SCNN1D: variants seen among roughly 807,000 people sequenced by gnomAD.
The protein encoded by SCNN1D is sodium channel epithelial 1 subunit delta.
A neutral mutation model predicts 87.8 loss-of-function variants in SCNN1D; 104 were observed. The ratio of observed to expected loss-of-function variants is 1.18; its 90% CI spans 1.01 to 1.39. The LOEUF is 1.39. Ranked by LOEUF, SCNN1D falls within the 40% of genes most tolerant of loss-of-function variation. The pLI is 0.00. For synonymous variants in SCNN1D, 628 were observed against 481.2 expected, an observed-to-expected ratio of 1.31 and a Z score of -3.99; for missense variants, 1,324 against 1,093.9, an observed-to-expected ratio of 1.21 and a Z score of -2.97.
At chr1:1,285,506 C>A in intron 5 of SCNN1D, 65 bp from the exon 6 acceptor site, 2 of 1,150,104 alleles carry the variant, frequency 1.7e-6, no homozygotes, top group South Asian at 1.7e-5. Flanking sequence ...AAGGGCAAGT[C>A]TTCCCCTGAG....
At chr1:1,287,895 G>A in intron 11 of SCNN1D, 44 bp from the exon 12 acceptor site, 11 of 1,520,330 alleles carry the variant, frequency 7.2e-6, no homozygotes, top group South Asian at 2.5e-5. Flanking sequence ...CTGGGCTTTG[G>A]GGGGTGAGGG....
chr1:1,291,070 G>C lies in SCNN1D; in HGVS notation c.1982G>C (p.Ser661Thr). The change falls in exon 17 of 18, where the codon AGC becomes ACC. Residue 661 changes from serine to threonine, a missense_variant. Transcript: ENST00000379116. ...ATGCCTCTATCCTGCCCCAGGAGCA[G>C]CCTGGCCAAAATCAACATCGTCTAC... ...LPHQSHRQRS[S>T]LAKINIVYQE... The C allele has an allele frequency of 1.2e-6, 2 of 1,612,022 alleles. No individual in the cohort carries two copies. The highest frequency in any genetic ancestry group is 1.7e-6 in the Non-Finnish European group (2 of 1,179,666).
Position 1,291,865 on chromosome 1 carries a change from G to A in SCNN1D, c.*255G>A. 2.4e-6 allele frequency: 1 copy of A among 416,948 alleles called. No individual in the cohort carries two copies. Among genetic ancestry groups the A allele is most frequent in the Middle Eastern group, 4.7e-4 (1 of 2,122 alleles). 25.8% of individuals were successfully genotyped at this position (416,948 alleles called of 1,614,324 possible). A position where few individuals can be genotyped will look rare whatever the true frequency, so the allele number is the denominator to read the frequency against. On this transcript the variant is annotated 3_prime_UTR_variant, in exon 18 of 18. Coordinates refer to ENST00000379116, the MANE Select transcript of SCNN1D (RefSeq NM_001130413.4). ...GTGCGGCTGGACGTGCCGACACGCG[G>A]TGATGTACCCATGCTCCGTGTGTCT...
rs765977813 is a variant in SCNN1D, at chr1:1,290,357, G to C, written c.1749G>C (p.Glu583Asp). ...YYLHPLPAGAEYCSSARHPAW... is the reference protein window; with the variant it reads ...YYLHPLPAGADYCSSARHPAW... ...TCCACCCTCTGCCGGCGGGGGCTGA[G>C]TACTGCAGCTCTGCCCGGCACCCTG... Residue 583 changes from glutamate to aspartate, a missense_variant, in exon 13 of 18, where the codon GAG (glutamate) becomes GAC (aspartate). By Grantham distance (45) the Glu-to-Asp change is conservative. Coordinates refer to ENST00000379116, the MANE Select transcript of SCNN1D (RefSeq NM_001130413.4). The C allele has an allele frequency of 6.3e-7, 1 of 1,599,260 alleles. No homozygotes were observed. The highest frequency in any genetic ancestry group is 8.5e-7 in the Non-Finnish European group (1 of 1,171,446).
Position 1,291,394 on chromosome 1 carries a change from GGCGTGGTTCTCCTGGCCCAGA to G in SCNN1D, c.2196_2216del (p.Trp733_Ala739del). ...TGCTAGGCGGCCGCCGGCTCCGCAG[GGCGTGGTTCTCCTGGCCCAGA>G]GCCAGCCCTGCCTCAGGGGCGTCCA... On this transcript the variant is annotated inframe_deletion, in exon 18 of 18. Transcript: ENST00000379116. 6.2e-7 allele frequency: 1 copy of G among 1,608,688 alleles called. No individual in the cohort carries two copies. Among genetic ancestry groups the G allele is most frequent in the East Asian group, 2.2e-5 (1 of 44,796 alleles).
intron 4 of SCNN1D, among the ~76,000 whole-genome samples, chr1:1,283,540 A>G (rs940761449): frequency 2.0e-5 from 3 of 152,234 alleles, no homozygotes; most frequent in Middle Eastern, 6.8e-3. Context: ...CTCTACTAAA[A>G]ATACAAAATT....
In SCNN1D at chr1:1,285,847, C is replaced by T. The variant is rs1356233455; in HGVS notation, c.559-79C>T. On this transcript the variant is annotated intron_variant, in intron 6 of 17. Transcript: ENST00000379116. Reference sequence around the variant, plus strand: ...AGCAGGTAGGGCGGGGCACTGGTGGCTGACAGACATGACAGGCCCAGGGTA... The same window carrying T: ...AGCAGGTAGGGCGGGGCACTGGTGGTTGACAGACATGACAGGCCCAGGGTA... 4.3e-6 allele frequency: 6 copies of T among 1,406,724 alleles called. No individual in the cohort carries two copies. The Admixed American group carries it at 6.5e-5, about 15-fold the overall frequency. The allele number at this position is 1,406,724 out of a possible 1,614,324, so 87.1% of individuals were successfully genotyped here.
chr1:1,287,962 C>T lies in SCNN1D; in HGVS notation c.1587C>T (p.Ser529=). ...AGGACGAGGTGCACCGGCTCGGGAG[C>T]CCCTACGGCCACTGCACCGCCGGCG... ...IREDEVHRLG[S]PYGHCTAGGE... The change falls in exon 12 of 18, where the codon AGC becomes AGT. Residue 529 remains serine (S), a synonymous_variant. Coordinates refer to ENST00000379116, the MANE Select transcript of SCNN1D (RefSeq NM_001130413.4). 1 of 1,545,592 alleles carries T rather than the reference C, an allele frequency of 6.5e-7. No individual in the cohort carries two copies. Among genetic ancestry groups the T allele is most frequent in the Non-Finnish European group, 8.7e-7 (1 of 1,143,934 alleles).
Position 1,291,277 on chromosome 1 carries a change from G to C in SCNN1D, c.2076G>C (p.Met692Ile). 6.4e-7 allele frequency: 1 copy of C among 1,565,826 alleles called. No individual in the cohort carries two copies. Among genetic ancestry groups the C allele is most frequent in the Non-Finnish European group, 8.6e-7 (1 of 1,157,730 alleles). Residue 692 changes from methionine (M) to isoleucine (I), a missense_variant, in exon 18 of 18, where the codon ATG becomes ATC. Physicochemically the swap from Met to Ile is conservative, Grantham distance 10 (BLOSUM62 1). Transcript: ENST00000379116. ...VYSVPQLLSA[M>I]GSLCSLWFGA... Reference sequence around the variant, plus strand: ...AGGTGCCGCAGCTGCTCTCGGCCATGGGCAGCCTCTGCAGCCTGTGGTTTG... The same window carrying C: ...AGGTGCCGCAGCTGCTCTCGGCCATCGGCAGCCTCTGCAGCCTGTGGTTTG...
intron 6 of SCNN1D, 77 bp downstream of exon 6, chr1:1,285,741 T>C (rs1187088168): frequency 3.1e-6 from 4 of 1,291,358 alleles, no homozygotes; most frequent in Non-Finnish European, 4.2e-6. Context: ...AAGGCTACAC[T>C]GAGACGTGTC....
chr1:1,281,273 C>G lies in SCNN1D; in HGVS notation c.53C>G (p.Pro18Arg), dbSNP rs1042380397. The G allele has an allele frequency of 8.5e-6, 13 of 1,535,682 alleles. No homozygotes were observed. Among genetic ancestry groups the G allele is most frequent in the Non-Finnish European group, 1.1e-5 (13 of 1,146,830 alleles). The change falls in exon 2 of 18, where the codon CCC becomes CGC. Residue 18 changes from proline (P) to arginine (R), a missense_variant. Physicochemically the swap from Pro to Arg is moderately radical, Grantham distance 103 (BLOSUM62 -2). Transcript: ENST00000379116. Reference sequence around the variant, plus strand: ...ACACCGCTCCCTCGTTACCTGTGGCCCGGCCACCTCAGCGGCCCAAGGAGG... The same window carrying G: ...ACACCGCTCCCTCGTTACCTGTGGCGCGGCCACCTCAGCGGCCCAAGGAGG... ...KTTPLPRYLWPGHLSGPRRLT... is the reference protein window; with the variant it reads ...KTTPLPRYLWRGHLSGPRRLT...
rs772551931 is a variant in SCNN1D at position 1,291,525 on chromosome 1, G to A, written c.2324G>A (p.Arg775Gln). 36 of 1,606,224 alleles carry A rather than the reference G, an allele frequency of 2.2e-5. No individual in the cohort carries two copies. The highest frequency in any genetic ancestry group is 1.8e-4 in the South Asian group (16 of 90,860). The change falls in exon 18 of 18, where the codon CGG becomes CAG. Residue 775 changes from arginine (R) to glutamine (Q), a missense_variant. Arg to Gln is a conservative substitution (Grantham distance 43). Coordinates refer to ENST00000379116, the MANE Select transcript of SCNN1D (RefSeq NM_001130413.4). ...DPEPSGPHLPRVMLPGVLAGV... is the reference protein window; with the variant it reads ...DPEPSGPHLPQVMLPGVLAGV... ...GAGCCCAGCGGGCCTCATCTCCCAC[G>A]GGTGATGCTTCCAGGGGTTCTGGCG...
intron 4 of SCNN1D, 60 bp from the exon 5 acceptor site, chr1:1,283,900 GGGCAGGTGTGGCTGCCCT>G: frequency 1.4e-6 from 1 of 727,714 alleles, no homozygotes; most frequent in Non-Finnish European, 2.1e-6. Context: ...TTTGGGTCCG[GGGCAGGTGTGGCTGCCCT>G]GGCTGGGTCC....
rs58362053 is a variant in SCNN1D at position 1,290,104 on chromosome 1, T to C, written c.1663-167T>C. Among the ~76,000 whole-genome samples, 213 of 67,072 alleles carry C rather than the reference T, an allele frequency of 3.2e-3. 2 individuals carry two copies. Among genetic ancestry groups the C allele is most frequent in the South Asian group, 6.6e-3 (12 of 1,828 alleles). The allele number at this position is 67,072 out of a possible 152,430, so 44.0% of individuals were successfully genotyped here. A position where few individuals can be genotyped will look rare whatever the true frequency, so the allele number is the denominator to read the frequency against. ...TCTCTGCTCCGTCCCGTGTCTCTGCTCCGTCCCGTGTCTCTGCTCCGTCCC... is the reference window on the plus strand; with the variant it reads ...TCTCTGCTCCGTCCCGTGTCTCTGCCCCGTCCCGTGTCTCTGCTCCGTCCC... On this transcript the variant is annotated intron_variant, in intron 12 of 17. Coordinates refer to ENST00000379116, the MANE Select transcript of SCNN1D (RefSeq NM_001130413.4).
chr1:1,288,321 G>A (rs1640671949), intron 12 of SCNN1D, among the ~76,000 whole-genome samples: 1 of 67,384 alleles, frequency 1.5e-5, no homozygotes, highest in Non-Finnish European at 2.2e-5. Context: ...CCGTGTCCCT[G>A]CTCCGTCCCG....
chr1:1,287,853 A>G lies in SCNN1D; in HGVS notation c.1563+17A>G, dbSNP rs192483157. The G allele has an allele frequency of 2.9e-4, 436 of 1,525,980 alleles. 3 individuals are homozygous for G. In the African/African-American group the frequency reaches 5.4e-3, roughly 19 times the overall value. The allele number at this position is 1,525,980 out of a possible 1,614,324, so 94.5% of individuals were successfully genotyped here. On this transcript the variant is annotated intron_variant, in intron 11 of 17. Transcript: ENST00000379116. ...ATCCGAGAGGTGAGCTGGCCTCTGC[A>G]GCCAACCTCCGGCCCAGGCCTCCTG...
At chr1:1,285,724 C>T in intron 6 of SCNN1D, 60 bp downstream of exon 6, 4 of 1,372,354 alleles carry the variant, frequency 2.9e-6, no homozygotes, top group East Asian at 5.0e-5. Context: ...AACTCAAACT[C>T]AGCTCCAAGG....
In SCNN1D at chr1:1,290,796, G is replaced by A. The variant is rs1305930978; in HGVS notation, c.1918-99G>A. ...CAAGGGCAGGGCCGGAACTGACCCA[G>A]CCTATGCCCCGTGGTCTCTGCCCCC... On this transcript the variant is annotated intron_variant, in intron 15 of 17. Transcript: ENST00000379116. The A allele has an allele frequency of 1.5e-5, 24 of 1,581,226 alleles. No individual in the cohort carries two copies. In the Admixed American group the frequency reaches 4.1e-4, roughly 27 times the overall value.
Position 1,289,975 on chromosome 1 carries a change from TGCTCCGTCCCGTGTCC to T in SCNN1D, c.1663-295_1663-280del, listed in dbSNP as rs1235034673. On this transcript the variant is annotated intron_variant, in intron 12 of 17. Transcript: ENST00000379116. ...GTGTCTCTGCTCCGTCCCCCGTGTC[TGCTCCGTCCCGTGTCC>T]CTGCTCCGTCCCGTGTCCCTGCTCC... Among the ~76,000 whole-genome samples the T allele has an allele frequency of 1.1e-4, 5 of 45,744 alleles. 1 individual carries two copies. Among genetic ancestry groups the T allele is most frequent in the Admixed American group, 2.8e-4 (1 of 3,534 alleles). 30.0% of individuals were successfully genotyped at this position (45,744 alleles called of 152,430 possible). A position where few individuals can be genotyped will look rare whatever the true frequency, so the allele number is the denominator to read the frequency against.
Sources: allele counts gnomAD v4.1 joint callset (sites outside exome capture counted in the v4.1 genomes callset), GRCh38; gene constraint gnomAD v4.1.1; transcripts MANE v1.5; gene names NCBI Gene and HGNC (gene_info 2026-07-23, HGNC 2026-07-21).